Variants in NLRP4 observed in about 807,000 individuals in gnomAD.
NLRP4 encodes NACHT, LRR and PYD domains-containing protein 4.
In NLRP4, 44 loss-of-function variants were observed where a neutral mutation model predicts 84.7. The observed-to-expected ratio is 0.52, with a 90% confidence interval of 0.41 to 0.67. NLRP4 has a LOEUF of 0.67. Among genes scored for constraint, NLRP4 ranks in the 30% least tolerant of loss-of-function variants. NLRP4 has a pLI of 0.00. For synonymous variants in NLRP4, 544 were observed against 476.4 expected (o/e 1.14, Z -1.85); for missense variants, 1,260 against 1,219.4 (o/e 1.03, Z -0.50).
rs548026885 is a variant in NLRP4, at chr19:55,853,720, T to A, written c.280+1360T>A. Among the ~76,000 whole-genome samples, 242 of 151,106 alleles carry A rather than the reference T, an allele frequency of 1.6e-3. 1 individual carries two copies. Among genetic ancestry groups the A allele is most frequent in the African/African-American group, 5.5e-3 (227 of 40,968 alleles). The stretch of plus-strand genomic sequence containing the variant: ...CCACCATACTGGCCTAGACTCACTC[T>A]TTCTTTCTCTTTCTCTTTTCCTTTT... On this transcript the variant is annotated intron_variant, in intron 2 of 9. Coordinates refer to ENST00000301295, the MANE Select transcript of NLRP4 (RefSeq NM_134444.5).
Position 55,852,275 on chromosome 19 carries a change from A to T in NLRP4, c.195A>T (p.Glu65Asp). The change falls in exon 2 of 10, where the codon GAA (glutamate) becomes GAT (aspartate). Residue 65 changes from glutamate to aspartate, a missense_variant. By Grantham distance (45) the Glu-to-Asp change is conservative (BLOSUM62 2). Around this residue, in one of 3 missense-constraint regions of NLRP4, gnomAD observed 712 missense variants for 669.2 expected, o/e 1.06. Transcript: ENST00000301295. ...LANLLIKHYEEQQAWNITLRI... is the reference protein window; with the variant it reads ...LANLLIKHYEDQQAWNITLRI... ...ACCTCTTGATCAAGCACTATGAAGA[A>T]CAACAAGCTTGGAACATAACCTTAA... 6.2e-7 allele frequency: 1 copy of T among 1,606,702 alleles called. No individual in the cohort carries two copies. The highest frequency in any genetic ancestry group is 8.5e-7 in the Non-Finnish European group (1 of 1,177,432).
chr19:55,878,162 G>A (rs1017415871), intron 8 of NLRP4, among the ~76,000 whole-genome samples: 2 of 152,138 alleles, frequency 1.3e-5, no homozygotes, highest in Admixed American at 1.3e-4. Flanking sequence ...AGTTACTCAG[G>A]AGGCTGAGGA....
At chr19:55,856,660 CACA>C (rs1984434207) in intron 2 of NLRP4, among the ~76,000 whole-genome samples, 9 of 151,854 alleles carry the variant, frequency 5.9e-5, no homozygotes, top group Non-Finnish European at 1.0e-4. Context: ...GGACTACAGG[CACA>C]CACCACCACG....
intron 6 of NLRP4, among the ~76,000 whole-genome samples, chr19:55,869,616 C>A (rs2123055360): frequency 6.6e-6 from 1 of 152,216 alleles, no homozygotes; most frequent in East Asian, 1.9e-4. Flanking sequence ...ATTTTACATA[C>A]AATTTTACTG....
chr19:55,874,565 T>C (rs1195690351), intron 7 of NLRP4, among the ~76,000 whole-genome samples: 2 of 152,170 alleles, frequency 1.3e-5, no homozygotes, highest in Non-Finnish European at 2.9e-5. Context: ...TCTAAAATGA[T>C]AGAACCTAAA....
In NLRP4 at chr19:55,862,145, C is replaced by T. The variant is rs372268440; in HGVS notation, c.2172C>T (p.Asn724=). 47 of 1,612,940 alleles carry T rather than the reference C, an allele frequency of 2.9e-5. 1 individual carries two copies. Among genetic ancestry groups the T allele is most frequent in the Middle Eastern group, 3.3e-4 (2 of 6,082 alleles). Residue 724 remains asparagine (N), a synonymous_variant, in exon 5 of 10, where the codon AAC becomes AAT. Coordinates refer to ENST00000301295, the MANE Select transcript of NLRP4 (RefSeq NM_134444.5). The part of the protein sequence containing the change: ...LCDALNYPAG[N]VKELALVNCH... ...ATGCCTTGAACTACCCAGCAGGCAA[C>T]GTCAAAGAGCTAGCGTAAGTCTCCG...
chr19:55,855,640 C>T (rs1226935102), intron 2 of NLRP4, among the ~76,000 whole-genome samples: 1 of 152,240 alleles, frequency 6.6e-6, no homozygotes, highest in Non-Finnish European at 1.5e-5. Context: ...CCAATCAAAT[C>T]CAGTAACTAT....
At chr19:55,867,967 C>T (rs1985027280) in intron 6 of NLRP4, 91 bp downstream of exon 6, 2 of 1,135,224 alleles carry the variant, frequency 1.8e-6, no homozygotes, top group Non-Finnish European at 2.6e-6. Context: ...TTGATGGAGG[C>T]CACATAGCGG....
At chr19:55,842,529 C>CT (rs57463609) in intron 1 of NLRP4, among the ~76,000 whole-genome samples, 17,880 of 148,572 alleles carry the variant, frequency 0.12, 2,499 homozygotes, top group African/African-American at 0.34. Context: ...TGTCCTTTTT[C>CT]TTTTTTTTTT....
At position 55,870,857 on chromosome 19, in the gene NLRP4, C is replaced by T. The variant is rs1201347272; in HGVS notation, c.2385C>T (p.Cys795=). ...CTTTCTGCCACCTCAGCGAGCAGTG[C>T]TGCGAATACATCTCTGAAATGCTTC... ...MLAFCHLSEQ[C]CEYISEMLLR... Residue 795 remains cysteine, a synonymous_variant, in exon 7 of 10, where the codon TGC becomes TGT. Coordinates refer to ENST00000301295, the MANE Select transcript of NLRP4 (RefSeq NM_134444.5). 1 of 1,614,088 alleles carries T rather than the reference C, an allele frequency of 6.2e-7. No individual in the cohort carries two copies. The highest frequency in any genetic ancestry group is 2.2e-5 in the East Asian group (1 of 44,882).
At chr19:55,854,213 C>G (rs1984321417) in intron 2 of NLRP4, among the ~76,000 whole-genome samples, 1 of 152,164 alleles carries the variant, frequency 6.6e-6, no homozygotes, top group Admixed American at 6.5e-5. Context: ...CTCAGGTGAT[C>G]TGCACACCTC....
At chr19:55,872,216 C>G (rs987312404) in intron 7 of NLRP4, among the ~76,000 whole-genome samples, 2 of 151,916 alleles carry the variant, frequency 1.3e-5, no homozygotes, top group Non-Finnish European at 2.9e-5. Flanking sequence ...CTCCTTAAGA[C>G]GTATTAAAAA....
intron 5 of NLRP4, among the ~76,000 whole-genome samples, chr19:55,863,516 C>T (rs906567458): frequency 4.6e-5 from 7 of 152,130 alleles, no homozygotes; most frequent in East Asian, 3.9e-4. Context: ...AACCAGGTCG[C>T]GTGAGGACTC....
intron 1 of NLRP4, among the ~76,000 whole-genome samples, chr19:55,851,705 AATGTCCGAGGCTGCGG>A: frequency 9.1e-6 from 1 of 109,300 alleles, no homozygotes; most frequent in Non-Finnish European, 2.3e-5. Flanking sequence ...GCTGCGGTGT[AATGTCCGAGGCTGCGG>A]TGTAATTTCC....
rs1984611345 is a variant in NLRP4, at chr19:55,859,146, G to A, written c.1753G>A (p.Asp585Asn). The A allele has an allele frequency of 6.2e-7, 1 of 1,613,760 alleles. No individual in the cohort carries two copies. Among genetic ancestry groups the A allele is most frequent in the South Asian group, 1.1e-5 (1 of 91,084 alleles). The change falls in exon 3 of 10, where the codon GAC becomes AAC. Residue 585 changes from aspartate (D) to asparagine (N), a missense_variant. Asp to Asn is a conservative substitution (Grantham distance 23). Transcript: ENST00000301295. ...EANFHIIDNVDLVVSAYCLKY... is the reference protein window; with the variant it reads ...EANFHIIDNVNLVVSAYCLKY... ...TAACTTTCATATTATTGACAACGTG[G>A]ACTTGGTGGTTTCTGCCTACTGCTT...
chr19:55,875,702 C>A (rs534780677), intron 7 of NLRP4, among the ~76,000 whole-genome samples: 2 of 152,002 alleles, frequency 1.3e-5, no homozygotes, highest in African/African-American at 4.8e-5. Context: ...ATGGAACTTG[C>A]AAGAGGCCAA....
Position 55,876,205 on chromosome 19 carries a change from C to T in NLRP4, c.2526-791C>T, listed in dbSNP as rs181887528. Among the ~76,000 whole-genome samples, 43 of 152,258 alleles carry T rather than the reference C, an allele frequency of 2.8e-4. No homozygotes were observed. In the East Asian group the frequency reaches 8.1e-3, roughly 29 times the overall value. ...GTTCAGATGTCGCATCATGGAATAG[C>T]GTATCACTGGTGCAGAGAGAGGATA... On this transcript the variant is annotated intron_variant, in intron 7 of 9. Transcript: ENST00000301295.
intron 2 of NLRP4, among the ~76,000 whole-genome samples, chr19:55,853,548 G>A (rs969979756): frequency 2.6e-5 from 4 of 151,938 alleles, no homozygotes; most frequent in Non-Finnish European, 4.4e-5. Context: ...GTGCCACCAC[G>A]CTTGGCTAAT....
intron 3 of NLRP4, among the ~76,000 whole-genome samples, chr19:55,861,025 G>T (rs1568666885): frequency 2.6e-5 from 4 of 152,154 alleles, no homozygotes. Flanking sequence ...CTCAGCCTTG[G>T]CACTGGTGAT....
Sources: gnomAD v4.1 joint callset for allele counts (sites outside exome capture counted in the v4.1 genomes callset) on GRCh38, gnomAD v4.1.1 for gene constraint, gnomAD v4.1.1 regional missense constraint, MANE v1.5 for transcripts, NCBI Gene and HGNC (gene_info 2026-07-23, HGNC 2026-07-21) for gene names.